Variants in PCLO observed in about 807,000 individuals in gnomAD.
PCLO encodes the protein piccolo presynaptic cytomatrix protein.
A neutral mutation model predicts 427.5 loss-of-function variants in PCLO; 82 were observed. That is an observed-to-expected ratio of 0.19 (90% CI 0.16 to 0.23). The LOEUF is 0.23. Among genes scored for constraint, PCLO ranks in the 10% least tolerant of loss-of-function variants. The pLI is 1.00. For missense variants in PCLO, 6,239 were observed against 6,115.9 expected (o/e 1.02, Z -0.67); for synonymous variants, 2,357 against 2,155.4 (o/e 1.09, Z -2.59).
chr7:82,948,836 T>C (rs1795263985), intron 6 of PCLO, among the ~76,000 whole-genome samples: 1 of 152,174 alleles, frequency 6.6e-6, no homozygotes, highest in Admixed American at 6.5e-5. Context: ...TTACCTGAGT[T>C]TAGATTAATA....
chr7:82,898,965 A>G lies in PCLO; in HGVS notation c.13528+3686T>C, dbSNP rs77433547. On this transcript the variant is annotated intron_variant, in intron 9 of 24. Transcript: ENST00000333891. ...GTAAATATTTTAGTGTGCATTTCCA[A>G]AAGATACACTCAGTGGTAATTATAG... 5.8e-3 allele frequency among the ~76,000 whole-genome samples: 880 copies of G among 151,530 alleles called. 12 individuals are homozygous for G. The highest frequency in any genetic ancestry group is 0.02 in the African/African-American group (831 of 41,512).
intron 3 of PCLO, among the ~76,000 whole-genome samples, chr7:83,046,423 T>A (rs191802881): frequency 3.2e-4 from 49 of 152,166 alleles, no homozygotes; most frequent in African/African-American, 1.2e-3. Context: ...GTTAAAGAAA[T>A]GCTAATTTTT....
At chr7:83,094,243 T>C (rs1790472850) in intron 3 of PCLO, among the ~76,000 whole-genome samples, 1 of 144,572 alleles carries the variant, frequency 6.9e-6, no homozygotes, top group African/African-American at 2.6e-5. Context: ...AGAGTCTCCG[T>C]CTGTCACCAG....
intron 3 of PCLO, among the ~76,000 whole-genome samples, chr7:83,101,287 G>A (rs978620163): frequency 8.6e-6 from 1 of 116,780 alleles, no homozygotes; most frequent in African/African-American, 3.2e-5. Flanking sequence ...AATTTTTACA[G>A]TAAAGATATA....
At position 82,951,011 on chromosome 7, in the gene PCLO, C is replaced by G. The variant is rs1795330901; in HGVS notation, c.9577G>C (p.Glu3193Gln). Residue 3193 changes from glutamate to glutamine, a missense_variant, in exon 6 of 25, where the codon GAA (glutamate) becomes CAA (glutamine). Physicochemically the swap from Glu to Gln is conservative, Grantham distance 29. Coordinates refer to ENST00000333891, the MANE Select transcript of PCLO (RefSeq NM_033026.6). The part of the protein sequence containing the change: ...TLTTASEVFP[E>Q]VVGDESALLI... ...AGAGCACTTTCATCTCCCACCACTT[C>G]AGGAAACACTTCGGATGCTGTGGTT... The G allele has an allele frequency of 6.2e-7, 1 of 1,613,740 alleles. No homozygotes were observed. The highest frequency in any genetic ancestry group is 1.3e-5 in the African/African-American group (1 of 74,936).
At chr7:82,922,575 T>C (rs566278507) in intron 6 of PCLO, among the ~76,000 whole-genome samples, 1 of 152,014 alleles carries the variant, frequency 6.6e-6, no homozygotes, top group Admixed American at 6.6e-5. Context: ...CAATAGACAC[T>C]GGGGTCTGAG....
At chr7:82,972,984 A>ACG (rs1268319377) in intron 3 of PCLO, among the ~76,000 whole-genome samples, 1 of 152,020 alleles carries the variant, frequency 6.6e-6, no homozygotes, top group Non-Finnish European at 1.5e-5. Context: ...ACTCAGATCC[A>ACG]CGCATTTTTA....
chr7:83,088,677 CTT>C (rs766166961), intron 3 of PCLO, among the ~76,000 whole-genome samples: 5 of 152,174 alleles, frequency 3.3e-5, no homozygotes, highest in Non-Finnish European at 5.9e-5. Flanking sequence ...CTCCCTCTCT[CTT>C]ACCAGCAGTC....
chr7:83,104,918 T>C (rs1347954636), intron 3 of PCLO, among the ~76,000 whole-genome samples: 2 of 151,802 alleles, frequency 1.3e-5, no homozygotes, highest in African/African-American at 4.8e-5. Flanking sequence ...GTCAGTTGAA[T>C]ATGTGAATAA....
rs1472003190 is a variant in PCLO, at chr7:83,059,373, TATATATAA to T, written c.3300+74869_3300+74876del. 2.2e-4 allele frequency among the ~76,000 whole-genome samples: 26 copies of T among 118,554 alleles called. No individual in the cohort carries two copies. The South Asian group carries it at 5.0e-3, about 23-fold the overall frequency. The allele number at this position is 118,554 out of a possible 152,430, so 77.8% of individuals were successfully genotyped here. On this transcript the variant is annotated intron_variant, in intron 3 of 24. Coordinates refer to ENST00000333891, the MANE Select transcript of PCLO (RefSeq NM_033026.6). ...CACCTTTAAAATATATATATATATA[TATATATAA>T]AAATGAAAAATAAGGTGAGATCAAC...
intron 14 of PCLO, 57 bp downstream of exon 14, chr7:82,841,402 A>T: frequency 1.0e-6 from 1 of 995,672 alleles, no homozygotes; most frequent in Non-Finnish European, 1.6e-6. Context: ...TCAACAAACC[A>T]GTGGCAAAAC....
At chr7:82,841,562 T>C in intron 13 of PCLO, 53 bp from the exon 14 acceptor site, 2 of 1,117,118 alleles carry the variant, frequency 1.8e-6, no homozygotes, top group Admixed American at 1.9e-5. Flanking sequence ...TTCACATAAT[T>C]TATCATTTCG....
At position 82,954,533 on chromosome 7, in the gene PCLO, T is replaced by G. The variant is rs749396171; in HGVS notation, c.6420A>C (p.Glu2140Asp). The G allele has an allele frequency of 1.9e-6, 3 of 1,613,828 alleles. No homozygotes were observed. The Admixed American group carries it at 5.0e-5, about 27-fold the overall frequency. ...VKITQHFSTEEIEDEYVTDYT... is the reference protein window; with the variant it reads ...VKITQHFSTEDIEDEYVTDYT... Reference sequence around the variant, plus strand: ...AATCGGTTACATATTCATCCTCAATTTCTTCTGTTGAAAAATGTTGGGTTA... The same window carrying G: ...AATCGGTTACATATTCATCCTCAATGTCTTCTGTTGAAAAATGTTGGGTTA... The change falls in exon 5 of 25, where the codon GAA becomes GAC. Residue 2140 changes from glutamate to aspartate, a missense_variant. Transcript: ENST00000333891.
At chr7:82,986,008 T>A (rs1796248157) in intron 3 of PCLO, among the ~76,000 whole-genome samples, 1 of 152,000 alleles carries the variant, frequency 6.6e-6, no homozygotes, top group Non-Finnish European at 1.5e-5. Context: ...TTTTTCTTAT[T>A]TCTCACAGAG....
chr7:83,152,959 T>G (rs1387424587), intron 2 of PCLO, among the ~76,000 whole-genome samples: 1 of 152,140 alleles, frequency 6.6e-6, no homozygotes, highest in African/African-American at 2.4e-5. Context: ...ATAACTGTCT[T>G]TCTTACATTG....
At chr7:83,121,819 C>T (rs1280621464) in intron 3 of PCLO, among the ~76,000 whole-genome samples, 1 of 151,260 alleles carries the variant, frequency 6.6e-6, no homozygotes, top group Non-Finnish European at 1.5e-5. Context: ...AAGTGAGAGG[C>T]TATAGCCCTG....
intron 7 of PCLO, 161 bp downstream of exon 7, chr7:82,914,525 C>A (rs770249315): frequency 5.5e-6 from 4 of 721,980 alleles, no homozygotes; most frequent in Non-Finnish European, 9.9e-6. Context: ...AGAATCTATA[C>A]ACATGATAAA....
intron 20 of PCLO, chr7:82,820,848 A>G (rs1202749935): frequency 2.4e-5 from 30 of 1,231,174 alleles, no homozygotes; most frequent in Non-Finnish European, 2.7e-5. Flanking sequence ...CCATTCTGCA[A>G]TATGAATATT....
At chr7:82,968,517 C>CTTTTTTTTTTTTTT (rs11324005) in intron 3 of PCLO, among the ~76,000 whole-genome samples, 1 of 73,228 alleles carries the variant, frequency 1.4e-5, no homozygotes, top group African/African-American at 4.8e-5. Flanking sequence ...CAGAGTCTGA[C>CTTTTTTTTTTTTTT]TTTTTTTTTT....
Sources: allele counts gnomAD v4.1 joint callset (sites outside exome capture counted in the v4.1 genomes callset), GRCh38; gene constraint gnomAD v4.1.1; transcripts MANE v1.5; gene names NCBI Gene and HGNC (gene_info 2026-07-23, HGNC 2026-07-21).